The following PTPRO variants were observed in gnomAD, a reference collection of about 807,000 sequenced individuals.
PTPRO encodes the protein receptor-type tyrosine-protein phosphatase O.
A neutral mutation model predicts 145.2 loss-of-function variants in PTPRO; 62 were observed. That is an observed-to-expected ratio of 0.43 (90% CI 0.35 to 0.53). The LOEUF is 0.53. PTPRO is among the 20% of genes least tolerant of loss of function. PTPRO has a pLI of 0.01. For missense variants in PTPRO, 1,345 were observed against 1,482.7 expected (o/e 0.91, Z 1.53); for synonymous variants, 565 against 514.7 (o/e 1.10, Z -1.32).
chr12:15,557,039 T>G (rs1943647751), intron 15 of PTPRO, among the ~76,000 whole-genome samples: 1 of 151,382 alleles, frequency 6.6e-6, no homozygotes, highest in African/African-American at 2.4e-5. Context: ...TTTGTTTTTT[T>G]TTTTTTTCTT....
chr12:15,420,947 T>A (rs1457962964), intron 1 of PTPRO, among the ~76,000 whole-genome samples: 1 of 152,216 alleles, frequency 6.6e-6, no homozygotes, highest in Non-Finnish European at 1.5e-5. Context: ...CTGCTGATGA[T>A]GTACTTTTTA....
intron 1 of PTPRO, among the ~76,000 whole-genome samples, chr12:15,406,914 T>C (rs1939662963): frequency 1.3e-5 from 2 of 152,246 alleles, no homozygotes; most frequent in Admixed American, 6.5e-5. Context: ...CAGATTGGTT[T>C]ATCTCATCAC....
chr12:15,590,913 A>G (rs1265684172), intron 25 of PTPRO, among the ~76,000 whole-genome samples: 2 of 152,100 alleles, frequency 1.3e-5, no homozygotes, highest in Non-Finnish European at 2.9e-5. Flanking sequence ...ATCGGTCCAT[A>G]TTTTTGGCTT....
chr12:15,400,086 GT>G (rs1479854655), intron 1 of PTPRO, among the ~76,000 whole-genome samples: 2 of 147,414 alleles, frequency 1.4e-5, no homozygotes, highest in African/African-American at 4.9e-5. Context: ...AGGTTCGAGG[GT>G]TCAAGCGATT....
At chr12:15,485,415 A>G (rs1355202177) in intron 2 of PTPRO, among the ~76,000 whole-genome samples, 1 of 152,222 alleles carries the variant, frequency 6.6e-6, no homozygotes, top group Non-Finnish European at 1.5e-5. Context: ...TTTAGGCAGC[A>G]GATATAGGCA....
At chr12:15,494,869 G>A (rs1942069607) in intron 2 of PTPRO, among the ~76,000 whole-genome samples, 1 of 152,204 alleles carries the variant, frequency 6.6e-6, no homozygotes, top group Non-Finnish European at 1.5e-5. Context: ...CTGCAGCAGT[G>A]AAGGAGTTAC....
chr12:15,412,521 AT>A (rs897453618), intron 1 of PTPRO, among the ~76,000 whole-genome samples: 2 of 152,112 alleles, frequency 1.3e-5, no homozygotes, highest in African/African-American at 4.8e-5. Context: ...GCAACTTCTC[AT>A]TTTTTTGTCA....
chr12:15,461,566 CTTTTTTT>C (rs141018489), intron 1 of PTPRO, among the ~76,000 whole-genome samples: 1 of 70,520 alleles, frequency 1.4e-5, no homozygotes, highest in Non-Finnish European at 2.9e-5. Flanking sequence ...ATTGCTATAG[CTTTTTTT>C]TTTTTTTTTT....
At chr12:15,380,302 C>T (rs1299325508) in intron 1 of PTPRO, among the ~76,000 whole-genome samples, 1 of 151,956 alleles carries the variant, frequency 6.6e-6, no homozygotes, top group Admixed American at 6.6e-5. Context: ...AGGGACAATT[C>T]TTAAATTACG....
intron 1 of PTPRO, among the ~76,000 whole-genome samples, chr12:15,435,463 G>T (rs1940568542): frequency 6.6e-6 from 1 of 151,958 alleles, no homozygotes; most frequent in Non-Finnish European, 1.5e-5. Context: ...CAACAGTGAT[G>T]CTGCTTTGCA....
intron 8 of PTPRO, among the ~76,000 whole-genome samples, chr12:15,516,022 G>A (rs534660615): frequency 1.6e-5 from 2 of 121,828 alleles, no homozygotes; most frequent in East Asian, 2.5e-4. Flanking sequence ...ACAGAGTCTC[G>A]CTCTGTCACC....
chr12:15,524,539 G>C (rs1431591406), intron 10 of PTPRO, among the ~76,000 whole-genome samples: 1 of 152,100 alleles, frequency 6.6e-6, no homozygotes, highest in Non-Finnish European at 1.5e-5. Context: ...TTTTGTAATG[G>C]TGACATTTAT....
intron 1 of PTPRO, among the ~76,000 whole-genome samples, chr12:15,355,293 C>T (rs1937949883): frequency 1.3e-5 from 2 of 152,198 alleles, no homozygotes; most frequent in African/African-American, 4.8e-5. Flanking sequence ...TGACCTTTCC[C>T]TCCTTAGTCC....
At chr12:15,495,857 A>G (rs933521336) in intron 2 of PTPRO, among the ~76,000 whole-genome samples, 1 of 152,196 alleles carries the variant, frequency 6.6e-6, no homozygotes, top group African/African-American at 2.4e-5. Context: ...CACAGAGTGT[A>G]ATAGTTATTT....
At chr12:15,485,750 T>G (rs1941872483) in intron 2 of PTPRO, among the ~76,000 whole-genome samples, 2 of 152,282 alleles carry the variant, frequency 1.3e-5, no homozygotes, top group East Asian at 1.9e-4. Context: ...TGCTAAAAAA[T>G]TTCTAGAATA....
intron 1 of PTPRO, among the ~76,000 whole-genome samples, chr12:15,438,591 C>T (rs1055424898): frequency 1.3e-5 from 2 of 151,490 alleles, no homozygotes; most frequent in Admixed American, 6.6e-5. Context: ...ATAGACTGAA[C>T]CAAGCAGAAG....
At chr12:15,496,268 C>T (rs1198483580) in intron 2 of PTPRO, among the ~76,000 whole-genome samples, 1 of 150,766 alleles carries the variant, frequency 6.6e-6, no homozygotes, top group Non-Finnish European at 1.5e-5. Flanking sequence ...TCAGCCTCCC[C>T]AGCAGCTGGG....
intron 12 of PTPRO, among the ~76,000 whole-genome samples, chr12:15,544,922 C>A (rs1345149858): frequency 6.6e-6 from 1 of 152,148 alleles, no homozygotes; most frequent in African/African-American, 2.4e-5. Context: ...TTTTGCTTGC[C>A]TAAGAAGAAC....
At chr12:15,535,227 G>A (rs549369767) in intron 12 of PTPRO, among the ~76,000 whole-genome samples, 1 of 152,240 alleles carries the variant, frequency 6.6e-6, no homozygotes, top group Non-Finnish European at 1.5e-5. Context: ...CAGATGTGAA[G>A]GCCAGGGGAG....
Sources: gnomAD v4.1 joint callset for allele counts (sites outside exome capture counted in the v4.1 genomes callset) on GRCh38, gnomAD v4.1.1 for gene constraint, MANE v1.5 for transcripts, NCBI Gene and HGNC (gene_info 2026-07-23, HGNC 2026-07-21) for gene names.